Variants in DPY19L2 observed in about 807,000 individuals in gnomAD.
DPY19L2 encodes the protein dpy-19 like 2, also known as probable C-mannosyltransferase DPY19L2.
In DPY19L2, 34 loss-of-function variants were observed where a neutral mutation model predicts 97.9. That is an observed-to-expected ratio of 0.35 (90% CI 0.26 to 0.46). The LOEUF (loss-of-function observed/expected upper bound fraction) is 0.46, where lower values mean the gene tolerates loss of function less well. Among genes scored for constraint, DPY19L2 ranks in the 20% least tolerant of loss-of-function variants. The pLI, the probability that DPY19L2 is intolerant of heterozygous loss-of-function variation, is 1.00. For synonymous variants in DPY19L2, 230 were observed against 307.9 expected (o/e 0.75, Z 2.65); for missense variants, 623 against 911.4 (o/e 0.68, Z 4.07).
intron 12 of DPY19L2, among the ~76,000 whole-genome samples, chr12:63,602,350 A>C (rs546643614): frequency 6.6e-6 from 1 of 152,232 alleles, no homozygotes; most frequent in Admixed American, 6.5e-5. Context: ...CACTAAAACA[A>C]TGATGAAGAA....
At chr12:63,601,064 C>T (rs1341662311) in intron 12 of DPY19L2, among the ~76,000 whole-genome samples, 1 of 152,112 alleles carries the variant, frequency 6.6e-6, no homozygotes, top group Non-Finnish European at 1.5e-5. Flanking sequence ...GGATTACAGG[C>T]GTGAGCCACT....
chr12:63,618,334 G>A (rs1243437210), intron 9 of DPY19L2, 106 bp from the exon 10 acceptor site: 1 of 381,866 alleles, frequency 2.6e-6, no homozygotes, highest in African/African-American at 2.1e-5. Flanking sequence ...TCTAATAATG[G>A]TAAGCAAAGG....
chr12:63,600,292 T>G lies in DPY19L2; in HGVS notation c.1359+14A>C, dbSNP rs1565744415. 6.3e-7 allele frequency: 1 copy of G among 1,595,776 alleles called. No individual in the cohort carries two copies. The highest frequency in any genetic ancestry group is 2.2e-5 in the East Asian group (1 of 44,670). Reference sequence around the variant, plus strand: ...TTTATAAGAACTTTCATGTTTTAACTAAAAAGTACTTACGTGGTCTGAAAC... The same window carrying G: ...TTTATAAGAACTTTCATGTTTTAACGAAAAAGTACTTACGTGGTCTGAAAC... On this transcript the variant is annotated intron_variant, in intron 13 of 21. Coordinates refer to ENST00000324472, the MANE Select transcript of DPY19L2 (RefSeq NM_173812.5).
At chr12:63,626,604 C>T in intron 6 of DPY19L2, 78 bp from the exon 7 acceptor site, 2 of 1,494,298 alleles carry the variant, frequency 1.3e-6, no homozygotes, top group South Asian at 1.3e-5. Flanking sequence ...ACAAAATTAC[C>T]TCAGAATTTA....
At chr12:63,657,481 T>C (rs1021614205) in intron 4 of DPY19L2, among the ~76,000 whole-genome samples, 1 of 152,158 alleles carries the variant, frequency 6.6e-6, no homozygotes, top group Non-Finnish European at 1.5e-5. Flanking sequence ...AGACAGGTAC[T>C]GTGAATTTGG....
intron 21 of DPY19L2, among the ~76,000 whole-genome samples, chr12:63,568,621 T>C (rs1420648470): frequency 6.6e-6 from 1 of 152,076 alleles, no homozygotes; most frequent in African/African-American, 2.4e-5. Context: ...GAACCTGTTT[T>C]GTTCTTCTGA....
intron 19 of DPY19L2, among the ~76,000 whole-genome samples, chr12:63,571,760 T>C (rs891809565): frequency 2.6e-5 from 4 of 152,166 alleles, no homozygotes; most frequent in Non-Finnish European, 5.9e-5. Flanking sequence ...TGGTCATAAC[T>C]AGAGATACAT....
intron 6 of DPY19L2, among the ~76,000 whole-genome samples, chr12:63,632,014 A>G (rs1241093662): frequency 1.8e-3 from 276 of 152,080 alleles, no homozygotes; most frequent in Admixed American, 4.1e-3. Context: ...AAATTCAACA[A>G]CCCCTCATGC....
At chr12:63,581,451 C>G (rs1216567486) in intron 18 of DPY19L2, among the ~76,000 whole-genome samples, 28 of 147,118 alleles carry the variant, frequency 1.9e-4, no homozygotes, top group Non-Finnish European at 7.4e-5. Flanking sequence ...ATGAGTATTT[C>G]AGGGTACTTT....
chr12:63,566,974 C>A (rs1245801406), intron 21 of DPY19L2, among the ~76,000 whole-genome samples: 1 of 152,088 alleles, frequency 6.6e-6, no homozygotes, highest in South Asian at 2.1e-4. Flanking sequence ...TCCATCACCA[C>A]AAACGTTTAC....
chr12:63,663,590 A>G (rs1382932982), intron 3 of DPY19L2, among the ~76,000 whole-genome samples, 168 bp downstream of exon 3: 2 of 152,080 alleles, frequency 1.3e-5, no homozygotes, highest in Non-Finnish European at 1.5e-5. Context: ...ATAATGAAGT[A>G]ACAGAAAAAT....
At chr12:63,600,234 T>C (rs1364305845) in intron 13 of DPY19L2, 72 bp downstream of exon 13, 1 of 1,269,670 alleles carries the variant, frequency 7.9e-7, no homozygotes, top group African/African-American at 1.5e-5. Flanking sequence ...GAGATAAGAA[T>C]AGATGGTTTC....
rs1592494958 is a variant in DPY19L2, at chr12:63,595,111, A to G, written c.1533+855T>C. On this transcript the variant is annotated intron_variant, in intron 15 of 21. Transcript: ENST00000324472. Reference sequence around the variant, plus strand: ...TCTTAAATTACTCACATCTCTGTGTAAACAAAGGAGTGAGAAGTGTGGCAA... The same window carrying G: ...TCTTAAATTACTCACATCTCTGTGTGAACAAAGGAGTGAGAAGTGTGGCAA... Among the ~76,000 whole-genome samples the G allele has an allele frequency of 2.6e-5, 4 of 152,342 alleles. No homozygotes were observed. The South Asian group carries it at 8.3e-4, about 32-fold the overall frequency.
chr12:63,636,599 A>C (rs1189670621), intron 6 of DPY19L2, among the ~76,000 whole-genome samples: 1 of 152,122 alleles, frequency 6.6e-6, no homozygotes, highest in East Asian at 1.9e-4. Flanking sequence ...AAGCAAACAG[A>C]AAACAAAACA....
At chr12:63,634,320 T>C (rs1325091275) in intron 6 of DPY19L2, among the ~76,000 whole-genome samples, 2 of 152,064 alleles carry the variant, frequency 1.3e-5, no homozygotes, top group African/African-American at 2.4e-5. Flanking sequence ...TATGAAAGGA[T>C]GGAGAGAGGT....
In DPY19L2 at chr12:63,626,014, G is replaced by A. The variant is rs1364967197; in HGVS notation, c.861+455C>T. On this transcript the variant is annotated intron_variant, in intron 7 of 21. Transcript: ENST00000324472. ...TTATAAAATATAAATTAATATATAT[G>A]TGAGGTTTTAGAGGCAGACAGATAT... Among the ~76,000 whole-genome samples, 9 of 149,054 alleles carry A rather than the reference G, an allele frequency of 6.0e-5. No homozygotes were observed. The East Asian group carries it at 9.7e-4, about 16-fold the overall frequency.
In DPY19L2 at chr12:63,591,940, T is replaced by TGAAAAGAAAAGAAAAGAAAA. The variant is rs371807048; in HGVS notation, c.1580+2127_1580+2146dup. Among the ~76,000 whole-genome samples, 91 of 62,136 alleles carry TGAAAAGAAAAGAAAAGAAAA rather than the reference T, an allele frequency of 1.5e-3. 1 individual carries two copies. The highest frequency in any genetic ancestry group is 7.8e-3 in the African/African-American group (88 of 11,310). 40.8% of individuals were successfully genotyped at this position (62,136 alleles called of 152,430 possible). ...GCCTGGCTGACAGAGCAAGACTCTG[T>TGAAAAGAAAAGAAAAGAAAA]GAAAAGAAAAGAAAAGAAAAGAAAA... is the stretch of plus-strand genomic sequence containing the variant. On this transcript the variant is annotated intron_variant, in intron 16 of 21. Transcript: ENST00000324472.
At position 63,560,036 on chromosome 12, in the gene DPY19L2, A is replaced by G. The variant is rs1242540817; in HGVS notation, c.*476T>C. 1 of 152,640 alleles carries G rather than the reference A, an allele frequency of 6.6e-6. No homozygotes were observed. The highest frequency in any genetic ancestry group is 1.5e-5 in the Non-Finnish European group (1 of 68,382). The allele number at this position is 152,640 out of a possible 1,614,324, so 9.5% of individuals were successfully genotyped here. ...ACACCTTAAAAGACACACTGTTACA[A>G]TTTCCTCACAGAGGTAAAGAGGCTG... On this transcript the variant is annotated 3_prime_UTR_variant, in exon 22 of 22. Transcript: ENST00000324472.
At chr12:63,637,976 C>T (rs558598888) in intron 6 of DPY19L2, among the ~76,000 whole-genome samples, 22 of 152,140 alleles carry the variant, frequency 1.4e-4, no homozygotes, top group South Asian at 4.2e-4. Flanking sequence ...ATTGGCAAAC[C>T]GAATCCAGCA....
Sources: gnomAD v4.1 joint callset for allele counts (sites outside exome capture counted in the v4.1 genomes callset) on GRCh38, gnomAD v4.1.1 for gene constraint, MANE v1.5 for transcripts, NCBI Gene and HGNC (gene_info 2026-07-23, HGNC 2026-07-21) for gene names.